Variants in TRRAP observed in about 807,000 individuals in gnomAD.
TRRAP encodes transformation/transcription domain associated protein.
Under a neutral mutation model 438.8 loss-of-function variants are expected in TRRAP, and 41 were observed. The ratio of observed to expected loss-of-function variants is 0.09; its 90% CI spans 0.07 to 0.12. TRRAP has a LOEUF of 0.12. Ranked by LOEUF, TRRAP falls within the 10% of genes least tolerant of loss-of-function variation. TRRAP has a pLI of 1.00. For missense variants in TRRAP, 3,122 were observed against 5,055.1 expected (o/e 0.62, Z 11.60); for synonymous variants, 1,994 against 1,962.9 (o/e 1.02, Z -0.42).
At chr7:98,987,008 G>T (rs1034509723) in intron 62 of TRRAP, among the ~76,000 whole-genome samples, 1 of 152,124 alleles carries the variant, frequency 6.6e-6, no homozygotes, top group Non-Finnish European at 1.5e-5. Context: ...GTTGAGGCCA[G>T]GCCCAGTGGC....
intron 17 of TRRAP, among the ~76,000 whole-genome samples, 195 bp from the exon 18 acceptor site, chr7:98,911,825 CAG>C (rs1554408826): frequency 6.6e-6 from 1 of 151,356 alleles, no homozygotes; most frequent in East Asian, 1.9e-4. Context: ...GATGAAATAA[CAG>C]ATTACATCAT....
intron 48 of TRRAP, among the ~76,000 whole-genome samples, chr7:98,965,146 GCA>G (rs375343135): frequency 1.1e-4 from 17 of 152,064 alleles, no homozygotes; most frequent in East Asian, 7.7e-4. Context: ...GTGTGCATGT[GCA>G]CACACACACA....
chr7:98,916,039 C>T (rs1034616825), intron 19 of TRRAP, 151 bp downstream of exon 19: 7 of 1,051,456 alleles, frequency 6.7e-6, no homozygotes, highest in Admixed American at 2.7e-5. Flanking sequence ...CCCTGCCCCC[C>T]TCCCCTGGCC....
Position 99,011,540 on chromosome 7 carries a change from G to T in TRRAP, c.11337+5G>T. ...TTCGCCCAGCCAAACTTTAAGGTGG[G>T]TCTCCACGTCGTCCTATCACAGGCG... On this transcript the variant is annotated splice_donor_5th_base_variant and intron_variant, in intron 72 of 72. Transcript: ENST00000456197. This position sits in a 1 kb window ranked among gnomAD's most constrained non-coding sequence, Gnocchi z 7.1. 6.2e-7 allele frequency: 1 copy of T among 1,612,252 alleles called. No individual in the cohort carries two copies. Among genetic ancestry groups the T allele is most frequent in the Non-Finnish European group, 8.5e-7 (1 of 1,179,064 alleles).
At chr7:98,982,099 C>T (rs1371140574) in intron 59 of TRRAP, 139 bp downstream of exon 59, 3 of 844,354 alleles carry the variant, frequency 3.6e-6, no homozygotes, top group East Asian at 3.3e-5. Context: ...CCCACTTATA[C>T]GCGTCCTCAG....
Position 98,958,751 on chromosome 7 carries a change from A to G in TRRAP, c.6343-593A>G, listed in dbSNP as rs530122303. Among the ~76,000 whole-genome samples, 59 of 152,144 alleles carry G rather than the reference A, an allele frequency of 3.9e-4. 1 individual carries two copies. Among genetic ancestry groups the G allele is most frequent in the Non-Finnish European group, 7.1e-4 (48 of 68,032 alleles). ...TTCCAGGTGTTCTTTTTGCATCCTTAAGATGGGAACGGTACACAGCTCAGT... is the reference window on the plus strand; with the variant it reads ...TTCCAGGTGTTCTTTTTGCATCCTTGAGATGGGAACGGTACACAGCTCAGT... On this transcript the variant is annotated intron_variant, in intron 44 of 72. Transcript: ENST00000456197.
chr7:98,910,580 T>C lies in TRRAP; in HGVS notation c.1785T>C (p.Tyr595=), dbSNP rs150288063. The C allele has an allele frequency of 4.2e-5, 67 of 1,613,724 alleles. No homozygotes were observed. In the African/African-American group the frequency reaches 8.1e-4, roughly 20 times the overall value. The change falls in exon 16 of 73, where the codon TAT becomes TAC. Residue 595 remains tyrosine (Y), a synonymous_variant. Coordinates refer to ENST00000456197, the MANE Select transcript of TRRAP (RefSeq NM_001375524.1). ...AGATTTACATCAAACTTGTGAAATA[T>C]GCAATGCAAGCTTTAGATATTTATC... The part of the protein sequence containing the change: ...ETQIYIKLVK[Y]AMQALDIYQV...
Position 98,972,569 on chromosome 7 carries a change from G to A in TRRAP, c.7839+624G>A, listed in dbSNP as rs78077000. On this transcript the variant is annotated intron_variant, in intron 53 of 72. Transcript: ENST00000456197. The stretch of plus-strand genomic sequence containing the variant: ...CCAGGTGCATCTGTGTTTGAATCTA[G>A]CCAGGTAGAAACTCTCTGGCTTCTG... 8.1e-3 allele frequency among the ~76,000 whole-genome samples: 1,241 copies of A among 152,322 alleles called. 10 individuals are homozygous for A. The highest frequency in any genetic ancestry group is 0.026 in the African/African-American group (1,072 of 41,574).
At chr7:98,975,571 G>A (rs977516191) in intron 53 of TRRAP, among the ~76,000 whole-genome samples, 7 of 152,182 alleles carry the variant, frequency 4.6e-5, no homozygotes, top group African/African-American at 7.2e-5. Flanking sequence ...CCTCAGTTTC[G>A]ACTTCGGGCT....
At chr7:98,984,622 C>T (rs1379416131) in intron 61 of TRRAP, among the ~76,000 whole-genome samples, 1 of 152,144 alleles carries the variant, frequency 6.6e-6, no homozygotes, top group Non-Finnish European at 1.5e-5. Flanking sequence ...TTACACACTA[C>T]AGAATTATGA....
In TRRAP at chr7:98,908,254, C is replaced by G. The variant is rs561599365; in HGVS notation, c.1116-474C>G. Among the ~76,000 whole-genome samples, 17 of 152,310 alleles carry G rather than the reference C, an allele frequency of 1.1e-4. No individual in the cohort carries two copies. The highest frequency in any genetic ancestry group is 3.3e-4 in the Admixed American group (5 of 15,304). On this transcript the variant is annotated intron_variant, in intron 13 of 72. Transcript: ENST00000456197. The surrounding 1 kb of genome is among the most constrained non-coding windows in gnomAD (Gnocchi z 4.1). ...CTGAGGACTGGGGCTCTACTTGGGT[C>G]ACTGGGGTGTCCCTGGCAGGCCCAG...
At chr7:99,002,384 A>T (rs997505552) in intron 67 of TRRAP, among the ~76,000 whole-genome samples, 1 of 152,212 alleles carries the variant, frequency 6.6e-6, no homozygotes, top group African/African-American at 2.4e-5. Context: ...GTTGCATAGG[A>T]TGCTGGTGTG....
intron 47 of TRRAP, among the ~76,000 whole-genome samples, chr7:98,962,740 A>G (rs923572817): frequency 2.6e-5 from 4 of 152,152 alleles, no homozygotes; most frequent in African/African-American, 7.2e-5. Context: ...GCTACATGAC[A>G]ATGTGTGGAC....
rs146396244 is a variant in TRRAP, at chr7:98,912,183, C to T, written c.2169C>T (p.Leu723=). 4 of 1,613,826 alleles carry T rather than the reference C, an allele frequency of 2.5e-6. No individual in the cohort carries two copies. The East Asian group carries it at 6.7e-5, about 27-fold the overall frequency. Reference sequence around the variant, plus strand: ...AGCTGGTCTTTGGCTCTGTCTCCCTCTTTGCAGCTGAAAATGAACAAATGC... The same window carrying T: ...AGCTGGTCTTTGGCTCTGTCTCCCTTTTTGCAGCTGAAAATGAACAAATGC... ...LFKLVFGSVS[L]FAAENEQMLK... The change falls in exon 18 of 73, where the codon CTC becomes CTT. Residue 723 remains leucine, a synonymous_variant. Transcript: ENST00000456197.
intron 5 of TRRAP, among the ~76,000 whole-genome samples, chr7:98,893,351 G>A (rs146831657): frequency 1.1e-4 from 17 of 152,326 alleles, no homozygotes; most frequent in Non-Finnish European, 2.5e-4. Flanking sequence ...GCTGTGTCAT[G>A]TCAGCCACAG....
At chr7:98,963,051 A>G (rs1791987777) in intron 47 of TRRAP, among the ~76,000 whole-genome samples, 1 of 152,228 alleles carries the variant, frequency 6.6e-6, no homozygotes, top group Non-Finnish European at 1.5e-5. Context: ...ATGAAGGAAT[A>G]CTAAGTAGAA....
chr7:98,942,342 G>A (rs372010316), intron 30 of TRRAP, among the ~76,000 whole-genome samples: 2 of 152,306 alleles, frequency 1.3e-5, no homozygotes, highest in South Asian at 4.1e-4. Flanking sequence ...CCCCCGCGTG[G>A]CCACCGTTCC....
At chr7:98,958,236 A>G (rs1247413881) in intron 44 of TRRAP, 145 bp downstream of exon 44, 4 of 652,668 alleles carry the variant, frequency 6.1e-6, no homozygotes, top group Admixed American at 3.2e-5. Flanking sequence ...TTTCGTATCA[A>G]CTGCACTTGA....
At position 98,949,772 on chromosome 7, in the gene TRRAP, A is replaced by G. The variant is rs782200243; in HGVS notation, c.5066A>G (p.Lys1689Arg). The change falls in exon 37 of 73, where the codon AAG (lysine) becomes AGG (arginine). Residue 1689 changes from lysine to arginine, a missense_variant. Transcript: ENST00000456197. Reference sequence around the variant, plus strand: ...GAGAACTTCCAAGAGAGGCACCGCAAGGAGAACATGGCAGCCACCAACTGG... The same window carrying G: ...GAGAACTTCCAAGAGAGGCACCGCAGGGAGAACATGGCAGCCACCAACTGG... ...VSENFQERHRKENMAATNWKE... is the reference protein window; with the variant it reads ...VSENFQERHRRENMAATNWKE... 6.2e-7 allele frequency: 1 copy of G among 1,613,880 alleles called. No homozygotes were observed. The highest frequency in any genetic ancestry group is 2.2e-5 in the East Asian group (1 of 44,880).
Sources: gnomAD v4.1 joint callset for allele counts (sites outside exome capture counted in the v4.1 genomes callset) on GRCh38, gnomAD v4.1.1 for gene constraint, Gnocchi (gnomAD v3.1) non-coding constraint, MANE v1.5 for transcripts, NCBI Gene and HGNC (gene_info 2026-07-23, HGNC 2026-07-21) for gene names.